LINC00305: variants seen among roughly 807,000 people sequenced by gnomAD.
LINC00305 encodes long intergenic non-protein coding RNA 305.
intron 1 of LINC00305, among the ~76,000 whole-genome samples, chr18:64,106,625 A>G (rs1238303810): frequency 6.6e-6 from 1 of 152,082 alleles, no homozygotes; most frequent in African/African-American, 2.4e-5. Flanking sequence ...ATTTGAATCA[A>G]TGCTGCCTTG....
At chr18:64,114,652 G>C (rs2051329911) in intron 1 of LINC00305, among the ~76,000 whole-genome samples, 1 of 152,188 alleles carries the variant, frequency 6.6e-6, no homozygotes, top group African/African-American at 2.4e-5. Context: ...GGGTTCAAGT[G>C]ATTCTCCTGC....
intron 3 of LINC00305, among the ~76,000 whole-genome samples, chr18:64,089,751 A>G (rs770932338): frequency 1.3e-5 from 2 of 152,250 alleles, no homozygotes; most frequent in Non-Finnish European, 2.9e-5. Flanking sequence ...GGTGGAAGGC[A>G]AGGAGGAGCA....
chr18:64,146,165 G>A (rs1356353), intron 1 of LINC00305, among the ~76,000 whole-genome samples: 152,190 of 152,316 alleles, frequency 1, 76,033 homozygotes, highest in East Asian at 1. Context: ...TCTAGTGGTC[G>A]AAATAAGTTA....
intron 3 of LINC00305, among the ~76,000 whole-genome samples, chr18:64,091,314 G>A (rs1303417700): frequency 2.0e-5 from 3 of 152,190 alleles, no homozygotes; most frequent in Non-Finnish European, 2.9e-5. Context: ...GTGTTCACCT[G>A]AGCTCTGTGC....
intron 1 of LINC00305, among the ~76,000 whole-genome samples, chr18:64,108,480 A>G (rs1319940994): frequency 6.6e-6 from 1 of 152,232 alleles, no homozygotes; most frequent in Non-Finnish European, 1.5e-5. Flanking sequence ...CAATCTAACC[A>G]TAACTGCTAC....
chr18:64,145,281 A>T (rs1386933826), intron 1 of LINC00305, among the ~76,000 whole-genome samples: 1 of 152,192 alleles, frequency 6.6e-6, no homozygotes, highest in Non-Finnish European at 1.5e-5. Flanking sequence ...CTGTACTTCT[A>T]CATACAAATG....
chr18:64,115,282 A>C (rs2051332680), intron 1 of LINC00305, among the ~76,000 whole-genome samples: 1 of 152,200 alleles, frequency 6.6e-6, no homozygotes, highest in Non-Finnish European at 1.5e-5. Context: ...ATGACACAGT[A>C]ATCTACCATG....
chr18:64,112,974 A>G (rs1389990572), intron 1 of LINC00305, among the ~76,000 whole-genome samples: 1 of 152,244 alleles, frequency 6.6e-6, no homozygotes, highest in Non-Finnish European at 1.5e-5. Flanking sequence ...GAGAGCTATC[A>G]TGACAATTTC....
intron 1 of LINC00305, among the ~76,000 whole-genome samples, chr18:64,123,958 C>A (rs902049196): frequency 1.3e-5 from 2 of 152,120 alleles, no homozygotes; most frequent in Non-Finnish European, 2.9e-5. Context: ...AATCTCTTGG[C>A]ACACACTGGC....
intron 1 of LINC00305, among the ~76,000 whole-genome samples, chr18:64,129,900 A>G (rs777806073): frequency 1.1e-4 from 16 of 152,290 alleles, no homozygotes; most frequent in Non-Finnish European, 2.1e-4. Flanking sequence ...CTAGAAAAAG[A>G]AAAAGGGGCT....
At chr18:64,105,586 G>GT (rs1240823404) in intron 1 of LINC00305, among the ~76,000 whole-genome samples, 8 of 152,208 alleles carry the variant, frequency 5.3e-5, no homozygotes, top group African/African-American at 1.7e-4. Flanking sequence ...ACGTGCACGT[G>GT]TGTGTACGTG....
intron 1 of LINC00305, among the ~76,000 whole-genome samples, chr18:64,119,635 T>C (rs1348602704): frequency 6.6e-6 from 1 of 152,120 alleles, no homozygotes; most frequent in Non-Finnish European, 1.5e-5. Context: ...TTATTTTGAT[T>C]GAAAATTACT....
At chr18:64,080,430 T>C (rs1349180227) in intron 3 of LINC00305, 1 of 433,134 alleles carries the variant, frequency 2.3e-6, no homozygotes, top group Non-Finnish European at 4.6e-6. Flanking sequence ...ATCCACATTA[T>C]TGCAGTAGAG....
chr18:64,141,728 G>T (rs182007770), intron 1 of LINC00305, among the ~76,000 whole-genome samples: 2 of 152,248 alleles, frequency 1.3e-5, no homozygotes, highest in East Asian at 3.9e-4. Flanking sequence ...AGAGTTCTTC[G>T]ATTCAATTCT....
chr18:64,097,828 AC>A, intron 3 of LINC00305: 1 of 456,674 alleles, frequency 2.2e-6, no homozygotes, highest in Non-Finnish European at 4.4e-6. Flanking sequence ...GAAATATTGA[AC>A]TTACCTTTAT....
intron 1 of LINC00305, among the ~76,000 whole-genome samples, chr18:64,100,419 C>T (rs757053049): frequency 2.0e-5 from 3 of 152,100 alleles, no homozygotes; most frequent in Non-Finnish European, 4.4e-5. Flanking sequence ...AGGACTGTCC[C>T]GGTGCTGGGC....
intron 1 of LINC00305, among the ~76,000 whole-genome samples, chr18:64,119,385 CTA>C (rs2051351939): frequency 6.6e-6 from 1 of 152,070 alleles, no homozygotes; most frequent in African/African-American, 2.4e-5. Flanking sequence ...AGGTTGGAGA[CTA>C]GATTGATTTT....
At chr18:64,134,410 G>T (rs1210856093) in intron 1 of LINC00305, among the ~76,000 whole-genome samples, 2 of 152,144 alleles carry the variant, frequency 1.3e-5, no homozygotes, top group Non-Finnish European at 2.9e-5. Context: ...GAGAAAATAT[G>T]ACTTCTCTGC....
intron 1 of LINC00305, among the ~76,000 whole-genome samples, chr18:64,128,995 T>C (rs750115738): frequency 1.3e-5 from 2 of 152,196 alleles, no homozygotes; most frequent in Non-Finnish European, 2.9e-5. Context: ...TTTTATTGGT[T>C]GCTTTGGATC....
Sources: gnomAD v4.1 joint callset for allele counts (sites outside exome capture counted in the v4.1 genomes callset) on GRCh38, gnomAD v4.1.1 for gene constraint, MANE v1.5 for transcripts, NCBI Gene and HGNC (gene_info 2026-07-23, HGNC 2026-07-21) for gene names.